The following GPHN variants were observed in gnomAD, a reference collection of about 807,000 sequenced individuals.
GPHN encodes gephyrin.
GPHN carries 17 observed loss-of-function variants against 95.5 expected under a neutral mutation model. The ratio of observed to expected loss-of-function variants is 0.18; its 90% CI spans 0.12 to 0.27. The LOEUF (loss-of-function observed/expected upper bound fraction) is 0.27, where lower values mean the gene tolerates loss of function less well. GPHN is among the 10% of genes least tolerant of loss of function. The pLI is 1.00. For missense variants in GPHN, 660 were observed against 978.1 expected, an observed-to-expected ratio of 0.67 and a Z score of 4.34; for synonymous variants, 320 against 322.5, an observed-to-expected ratio of 0.99 and a Z score of 0.08.
At chr14:66,702,629 C>T (rs1184247614) in intron 2 of GPHN, among the ~76,000 whole-genome samples, 1 of 152,080 alleles carries the variant, frequency 6.6e-6, no homozygotes, top group Non-Finnish European at 1.5e-5. Flanking sequence ...AACAAAAAGC[C>T]GTCATGAAAA....
At chr14:67,635,858 A>T in the GPHN span, among the ~76,000 whole-genome samples, 2,346 of 152,224 alleles carry the variant, frequency 0.015, 24 homozygotes, top group Middle Eastern at 0.034. Flanking sequence ...TCTAAAAAAA[A>T]TTTTTTTTAA....
chr14:67,024,171 A>C (rs1202408976), intron 10 of GPHN, among the ~76,000 whole-genome samples: 1 of 152,164 alleles, frequency 6.6e-6, no homozygotes, highest in East Asian at 1.9e-4. Context: ...TGCTCAATTT[A>C]TTTATTGGTT....
At chr14:66,773,912 A>G (rs1175536144) in intron 2 of GPHN, among the ~76,000 whole-genome samples, 1 of 150,050 alleles carries the variant, frequency 6.7e-6, no homozygotes, top group Admixed American at 6.6e-5. Flanking sequence ...AGAGTATTTT[A>G]CTATCATTGG....
chr14:67,262,792 C>G, the GPHN span, among the ~76,000 whole-genome samples: 4 of 152,114 alleles, frequency 2.6e-5, no homozygotes, highest in Non-Finnish European at 5.9e-5. Flanking sequence ...TACGGTGGCT[C>G]TGTTTGTTAA....
the GPHN span, among the ~76,000 whole-genome samples, chr14:67,193,806 A>G: frequency 1.3e-5 from 2 of 149,074 alleles, no homozygotes; most frequent in Admixed American, 1.3e-4. Flanking sequence ...TTAGCTGGGT[A>G]TGGTAGCGTG....
intron 3 of GPHN, among the ~76,000 whole-genome samples, chr14:66,783,993 A>T (rs1268326940): frequency 1.4e-4 from 21 of 152,204 alleles, no homozygotes; most frequent in Admixed American, 1.4e-3. Context: ...CATCATACCA[A>T]GAACAAGGAA....
chr14:66,650,645 G>A (rs2064998340), intron 1 of GPHN, among the ~76,000 whole-genome samples: 1 of 152,176 alleles, frequency 6.6e-6, no homozygotes, highest in East Asian at 1.9e-4. Context: ...TTGACAACAA[G>A]GGAACAATGC....
At chr14:67,255,728 T>C in the GPHN span, among the ~76,000 whole-genome samples, 4 of 152,246 alleles carry the variant, frequency 2.6e-5, no homozygotes, top group Non-Finnish European at 5.9e-5. Flanking sequence ...TTGCCCAGGC[T>C]GTAGTGCAGT....
chr14:67,363,367 A>G, the GPHN span, among the ~76,000 whole-genome samples: 3 of 152,084 alleles, frequency 2.0e-5, no homozygotes, highest in Non-Finnish European at 4.4e-5. Flanking sequence ...ACTGTCATTA[A>G]TATGCTGCTC....
the GPHN span, among the ~76,000 whole-genome samples, chr14:67,445,117 A>G: frequency 6.6e-6 from 1 of 152,210 alleles, no homozygotes; most frequent in Non-Finnish European, 1.5e-5. Flanking sequence ...TGCTGAACGC[A>G]TGTCTTGCCC....
intron 13 of GPHN, among the ~76,000 whole-genome samples, chr14:67,107,434 C>A (rs2078106319): frequency 1.3e-5 from 2 of 152,172 alleles, no homozygotes; most frequent in Admixed American, 1.3e-4. Flanking sequence ...AGGTTTATGA[C>A]TGAGGCACCC....
At chr14:67,639,128 C>T in the GPHN span, among the ~76,000 whole-genome samples, 1 of 152,200 alleles carries the variant, frequency 6.6e-6, no homozygotes, top group African/African-American at 2.4e-5. Flanking sequence ...AGTCTCTCTT[C>T]CTGGGAACGT....
chr14:67,431,696 ACAG>A, the GPHN span, among the ~76,000 whole-genome samples: 7 of 151,820 alleles, frequency 4.6e-5, no homozygotes, highest in South Asian at 2.1e-4. Flanking sequence ...CAACTCAACA[ACAG>A]CAGCAGCAGC....
At chr14:66,961,898 G>T (rs1338628249) in intron 8 of GPHN, among the ~76,000 whole-genome samples, 1 of 53,436 alleles carries the variant, frequency 1.9e-5, no homozygotes, top group African/African-American at 5.0e-5. Context: ...ATCCCTGAAT[G>T]TGTATATATA....
chr14:66,560,379 A>G (rs568648073), intron 1 of GPHN, among the ~76,000 whole-genome samples: 1 of 152,250 alleles, frequency 6.6e-6, no homozygotes, highest in East Asian at 1.9e-4. Context: ...TGAGCATGGA[A>G]TGTTCTTCCA....
At chr14:66,764,527 C>T (rs1388831104) in intron 2 of GPHN, among the ~76,000 whole-genome samples, 3 of 151,864 alleles carry the variant, frequency 2.0e-5, no homozygotes, top group African/African-American at 7.3e-5. Flanking sequence ...CAAATACGTG[C>T]CAGGTCAGGG....
chr14:66,674,846 T>G (rs2066495742), intron 1 of GPHN, among the ~76,000 whole-genome samples: 1 of 152,252 alleles, frequency 6.6e-6, no homozygotes, highest in Non-Finnish European at 1.5e-5. Flanking sequence ...ATTCCTGTGA[T>G]TGCTGGATCA....
chr14:67,587,419 CT>C, the GPHN span: 1 of 665,688 alleles, frequency 1.5e-6, no homozygotes, highest in Non-Finnish European at 2.6e-6. Flanking sequence ...CAGGGCTCAA[CT>C]TTTTAAAATC....
chr14:67,137,712 C>A (rs965350359), intron 17 of GPHN, among the ~76,000 whole-genome samples: 2 of 152,004 alleles, frequency 1.3e-5, no homozygotes, highest in Admixed American at 1.3e-4. Context: ...CTGCAGTGAG[C>A]TGTGATCACA....
Sources: allele counts gnomAD v4.1 joint callset (sites outside exome capture counted in the v4.1 genomes callset), GRCh38; gene constraint gnomAD v4.1.1; transcripts MANE v1.5; gene names NCBI Gene and HGNC (gene_info 2026-07-23, HGNC 2026-07-21).